Variants in SPTB observed in about 807,000 individuals in gnomAD.
SPTB encodes the protein spectrin beta chain, erythrocytic.
SPTB carries 45 observed loss-of-function variants against 256.2 expected under a neutral mutation model. That is an observed-to-expected ratio of 0.18 (90% confidence interval 0.14 to 0.23). The LOEUF (loss-of-function observed/expected upper bound fraction) is 0.23, where lower values mean the gene tolerates loss of function less well. SPTB is among the 10% of genes least tolerant of loss of function. SPTB has a pLI of 1.00. For synonymous variants in SPTB, 1,231 were observed against 1,243.1 expected, an observed-to-expected ratio of 0.99 and a Z score of 0.21; for missense variants, 2,715 against 3,040.4, an observed-to-expected ratio of 0.89 and a Z score of 2.52.
intron 1 of SPTB, among the ~76,000 whole-genome samples, chr14:64,835,331 C>T (rs550295173): frequency 1.3e-5 from 2 of 152,168 alleles, no homozygotes; most frequent in Non-Finnish European, 2.9e-5. Flanking sequence ...TCACTGAAAC[C>T]TCCGCCTCTT....
chr14:64,766,883 G>A (rs979970801), intron 31 of SPTB, 82 bp from the exon 32 acceptor site: 20 of 1,551,260 alleles, frequency 1.3e-5, no homozygotes, highest in African/African-American at 6.8e-5. Flanking sequence ...TTTCACCTGC[G>A]CCCACAGGGA....
intron 9 of SPTB, 94 bp from the exon 10 acceptor site, chr14:64,797,940 G>A (rs552029169): frequency 1.6e-4 from 136 of 851,926 alleles, no homozygotes; most frequent in Middle Eastern, 4.4e-4. Context: ...ATCTTGAAGC[G>A]TAGATAGCAA....
intron 2 of SPTB, among the ~76,000 whole-genome samples, chr14:64,815,055 G>A (rs2083165077): frequency 6.7e-6 from 1 of 149,526 alleles, no homozygotes; most frequent in Non-Finnish European, 1.5e-5. Flanking sequence ...TTGGGAGTGG[G>A]GGTGAGAAGC....
rs2083357288 is a variant in SPTB, at chr14:64,825,123, G to T, written c.-51-1978C>A. Among the ~76,000 whole-genome samples, 1 of 151,920 alleles carries T rather than the reference G, an allele frequency of 6.6e-6. No homozygotes were observed. Among genetic ancestry groups the T allele is most frequent in the South Asian group, 2.1e-4 (1 of 4,802 alleles). On this transcript the variant is annotated intron_variant, in intron 1 of 35. Transcript: ENST00000644917. The surrounding 1 kb of genome is among the most constrained non-coding windows in gnomAD (Gnocchi z 4.8). ...TCGGACAGGTTTCAGGAGGGCAGCT[G>T]GGGAAAGGACTGGAGCACAGTTTGT...
rs1004524527 is a variant in SPTB at position 64,826,499 on chromosome 14, T to C, written c.-51-3354A>G. On this transcript the variant is annotated intron_variant, in intron 1 of 35. Transcript: ENST00000644917. This position sits in a 1 kb window ranked among gnomAD's most constrained non-coding sequence, Gnocchi z 4.4. ...GATGATCTGGTCTCATTTTCAAAGA[T>C]ATAAGTCATCTGCACATCTAGAGTG... Among the ~76,000 whole-genome samples, 3 of 152,284 alleles carry C rather than the reference T, an allele frequency of 2.0e-5. No homozygotes were observed. Among genetic ancestry groups the C allele is most frequent in the African/African-American group, 7.2e-5 (3 of 41,562 alleles).
At chr14:64,756,733 G>C (rs984293709) in intron 32 of SPTB, 1 of 152,170 alleles carries the variant, frequency 6.6e-6, no homozygotes, top group African/African-American at 2.4e-5. Flanking sequence ...GAGGCAGTTC[G>C]GAATATGCAC....
intron 1 of SPTB, among the ~76,000 whole-genome samples, chr14:64,828,174 C>T (rs140081319): frequency 2.0e-5 from 3 of 152,266 alleles, no homozygotes; most frequent in Admixed American, 1.3e-4. Flanking sequence ...TTGGTGAGGC[C>T]TTTACCAGAC....
At position 64,759,668 on chromosome 14, in the gene SPTB, C is replaced by T. The variant is rs76546611; in HGVS notation, c.6346-5875G>A. Among the ~76,000 whole-genome samples, 1,880 of 152,326 alleles carry T rather than the reference C, an allele frequency of 0.012. 41 individuals carry two copies. The highest frequency in any genetic ancestry group is 0.043 in the African/African-American group (1,780 of 41,576). ...TGCCCAAAGGCAGCATATGGAGGAG[C>T]TGATCTGAGGTTCCCTTCCACCTTT... On this transcript the variant is annotated intron_variant, in intron 32 of 35. Coordinates refer to ENST00000644917, the MANE Select transcript of SPTB (RefSeq NM_001355436.2). The surrounding 1 kb of genome is among the most constrained non-coding windows in gnomAD (Gnocchi z 4.8).
At chr14:64,837,000 G>T (rs1004233141) in intron 1 of SPTB, among the ~76,000 whole-genome samples, 9 of 152,224 alleles carry the variant, frequency 5.9e-5, no homozygotes, top group Non-Finnish European at 2.9e-5. Context: ...TTCAAATCAT[G>T]CAAGAAAGGC....
chr14:64,749,467 TCTC>T lies in SPTB; in HGVS notation c.6823_6825del (p.Glu2275del). 2.5e-6 allele frequency: 4 copies of T among 1,600,570 alleles called. No individual in the cohort carries two copies. The highest frequency in any genetic ancestry group is 1.1e-5 in the South Asian group (1 of 90,922). ...CTCACGCCCTGCAGCCAGGACAGCA[TCTC>T]CTCCTGCGGGGCGGAGGGTCACGGT... On this transcript the variant is annotated inframe_deletion, in exon 36 of 36. Transcript: ENST00000644917. This position sits in a 1 kb window ranked among gnomAD's most constrained non-coding sequence, Gnocchi z 4.7.
At chr14:64,838,312 G>GA (rs79659645) in intron 1 of SPTB, among the ~76,000 whole-genome samples, 19,529 of 151,430 alleles carry the variant, frequency 0.13, 1,863 homozygotes, top group African/African-American at 0.26. Context: ...AAAATTTCCA[G>GA]AAAAAAAATC....
chr14:64,862,434 T>C (rs1392486880), intron 1 of SPTB, among the ~76,000 whole-genome samples: 1 of 152,046 alleles, frequency 6.6e-6, no homozygotes, highest in Non-Finnish European at 1.5e-5. Context: ...TTCAAATATT[T>C]CCGAGAACAA....
At position 64,770,977 on chromosome 14, in the gene SPTB, C is replaced by T. The variant is rs762377315; in HGVS notation, c.5706G>A (p.Thr1902=). Residue 1902 remains threonine (T), a synonymous_variant, in exon 27 of 36, where the codon ACG becomes ACA. Transcript: ENST00000644917. ...TGCTGAAGAAGCGGAATTTATCCGCCGTGTCCACTAGCTGGGTCCGGCGCC... is the reference window on the plus strand; with the variant it reads ...TGCTGAAGAAGCGGAATTTATCCGCTGTGTCCACTAGCTGGGTCCGGCGCC... The part of the protein sequence containing the change: ...CAGRRTQLVD[T]ADKFRFFSMA... 19 of 1,614,008 alleles carry T rather than the reference C, an allele frequency of 1.2e-5. No individual in the cohort carries two copies. Among genetic ancestry groups the T allele is most frequent in the East Asian group, 4.5e-5 (2 of 44,894 alleles).
intron 24 of SPTB, 36 bp downstream of exon 24, chr14:64,774,361 A>G: frequency 6.4e-7 from 1 of 1,571,764 alleles, no homozygotes; most frequent in Non-Finnish European, 8.6e-7. Flanking sequence ...CTCAATCCCC[A>G]TCTCCTGACC....
intron 20 of SPTB, 84 bp downstream of exon 20, chr14:64,782,206 C>T: frequency 1.2e-6 from 2 of 1,600,776 alleles, no homozygotes; most frequent in Non-Finnish European, 1.7e-6. Context: ...TACCCCCAAA[C>T]CTAAAATTAA....
rs773243167 is a variant in SPTB at position 64,749,143 on chromosome 14, C to A, written c.*163G>T. The A allele has an allele frequency of 1.6e-5, 12 of 769,328 alleles. No homozygotes were observed. Among genetic ancestry groups the A allele is most frequent in the Middle Eastern group, 3.9e-4 (1 of 2,546 alleles). The allele number at this position is 769,328 out of a possible 1,614,324, so 47.7% of individuals were successfully genotyped here. Reference sequence around the variant, plus strand: ...ATGGAGGGGGCGTCGGCCCAGGACACGCGGGCGAAGGCAGCTTTTGCAGTG... The same window carrying A: ...ATGGAGGGGGCGTCGGCCCAGGACAAGCGGGCGAAGGCAGCTTTTGCAGTG... On this transcript the variant is annotated 3_prime_UTR_variant, in exon 36 of 36. Transcript: ENST00000644917. The surrounding 1 kb of genome is among the most constrained non-coding windows in gnomAD (Gnocchi z 4.7).
Position 64,757,588 on chromosome 14 carries a change from A to G in SPTB, c.6346-3795T>C, listed in dbSNP as rs182611876. 3.9e-5 allele frequency: 6 copies of G among 152,450 alleles called. No homozygotes were observed. In the East Asian group the frequency reaches 1.2e-3, roughly 29 times the overall value. 9.4% of individuals were successfully genotyped at this position (152,450 alleles called of 1,614,324 possible). On this transcript the variant is annotated intron_variant, in intron 32 of 35. Coordinates refer to ENST00000644917, the MANE Select transcript of SPTB (RefSeq NM_001355436.2). ...CTCTCCACCCTGAAGGCCAAGGCCA[A>G]GAATGAGGGTGAGAGATGAAGGAAC...
intron 32 of SPTB, among the ~76,000 whole-genome samples, chr14:64,757,758 C>A (rs1275227002): frequency 6.6e-6 from 1 of 152,166 alleles, no homozygotes; most frequent in Non-Finnish European, 1.5e-5. Flanking sequence ...TCCCAGGAGG[C>A]TGGCCAACTC....
intron 1 of SPTB, among the ~76,000 whole-genome samples, chr14:64,842,895 C>A (rs4902321): frequency 9.2e-5 from 14 of 152,060 alleles, no homozygotes; most frequent in Admixed American, 7.9e-4. Flanking sequence ...CAGAGAGACC[C>A]TGTCTCTATA....
Sources: allele counts gnomAD v4.1 joint callset (sites outside exome capture counted in the v4.1 genomes callset), GRCh38; gene constraint gnomAD v4.1.1; non-coding constraint Gnocchi (gnomAD v3.1); transcripts MANE v1.5; gene names NCBI Gene and HGNC (gene_info 2026-07-23, HGNC 2026-07-21).